Variants in ATXN8OS observed in about 807,000 individuals in gnomAD.
ATXN8OS encodes the protein ATXN8 opposite strand (non-protein coding).
At chr13:70,139,166 A>G in intron 3 of ATXN8OS, 1 of 411,510 alleles carries the variant, frequency 2.4e-6, no homozygotes, top group Non-Finnish European at 4.3e-6. Flanking sequence ...CTGTCATTCT[A>G]GTTTTTACTT....
At chr13:70,116,521 G>C (rs1302944234) in intron 2 of ATXN8OS, among the ~76,000 whole-genome samples, 1 of 152,158 alleles carries the variant, frequency 6.6e-6, no homozygotes, top group Non-Finnish European at 1.5e-5. Context: ...CTAGAAGCGA[G>C]TGAGCAGAAA....
intron 3 of ATXN8OS, among the ~76,000 whole-genome samples, chr13:70,132,760 T>C (rs539131615): frequency 3.9e-5 from 6 of 152,328 alleles, no homozygotes; most frequent in African/African-American, 1.2e-4. Flanking sequence ...AGATAACATG[T>C]TAAATAATTC....
At chr13:70,159,349 A>G (rs1277448739) in intron 4 of ATXN8OS, among the ~76,000 whole-genome samples, 1 of 151,942 alleles carries the variant, frequency 6.6e-6, no homozygotes, top group Non-Finnish European at 1.5e-5. Context: ...AGTTTTATAT[A>G]TTTATTTCCA....
At chr13:70,140,694 A>G (rs540906372) in intron 3 of ATXN8OS, among the ~76,000 whole-genome samples, 12 of 152,224 alleles carry the variant, frequency 7.9e-5, no homozygotes, top group Non-Finnish European at 1.8e-4. Context: ...TCTTCTGCAG[A>G]TGAACTTTCT....
upstream of ATXN8OS, chr13:70,107,593 C>T (rs781511350): frequency 1.2e-5 from 19 of 1,598,174 alleles, no homozygotes; most frequent in Non-Finnish European, 1.6e-5. Context: ...TTGCAGGCAG[C>T]CTCCCCCCGC....
At chr13:70,123,025 A>G (rs2137476968) in intron 2 of ATXN8OS, among the ~76,000 whole-genome samples, 1 of 152,122 alleles carries the variant, frequency 6.6e-6, no homozygotes, top group Admixed American at 6.6e-5. Context: ...AATTAAATAT[A>G]TATTTTATCA....
At chr13:70,160,313 T>G (rs536696963) in intron 4 of ATXN8OS, among the ~76,000 whole-genome samples, 145 of 152,236 alleles carry the variant, frequency 9.5e-4, no homozygotes, top group African/African-American at 3.3e-3. Context: ...TTATAAATTT[T>G]GGTTTATCAT....
At chr13:70,166,716 A>G (rs1054320317) in intron 4 of ATXN8OS, among the ~76,000 whole-genome samples, 6 of 152,132 alleles carry the variant, frequency 3.9e-5, no homozygotes, top group Non-Finnish European at 7.4e-5. Context: ...AGAAACTACC[A>G]TCAGAGTGAA....
intron 2 of ATXN8OS, among the ~76,000 whole-genome samples, chr13:70,118,953 C>G (rs933564523): frequency 1.3e-5 from 2 of 151,604 alleles, no homozygotes; most frequent in East Asian, 3.9e-4. Flanking sequence ...CTATAGATTT[C>G]TGGCACTCAA....
intron 2 of ATXN8OS, among the ~76,000 whole-genome samples, chr13:70,122,339 A>AAAGTTTTC (rs1314360750): frequency 1.3e-5 from 2 of 151,996 alleles, no homozygotes; most frequent in Non-Finnish European, 2.9e-5. Flanking sequence ...TCCTAAATGC[A>AAAGTTTTC]AAGTTTTCTA....
At chr13:70,144,069 G>C (rs2137494420) in intron 3 of ATXN8OS, among the ~76,000 whole-genome samples, 1 of 152,176 alleles carries the variant, frequency 6.6e-6, no homozygotes, top group Non-Finnish European at 1.5e-5. Flanking sequence ...TGGGACTACT[G>C]TGGTGAAGCA....
At chr13:70,123,848 A>T (rs1043562645) in intron 2 of ATXN8OS, among the ~76,000 whole-genome samples, 1 of 152,156 alleles carries the variant, frequency 6.6e-6, no homozygotes, top group Admixed American at 6.6e-5. Flanking sequence ...AGATCAGAAT[A>T]TATAAAGAAT....
chr13:70,140,698 ACTTT>A (rs1046152925), intron 3 of ATXN8OS, among the ~76,000 whole-genome samples: 3 of 152,186 alleles, frequency 2.0e-5, no homozygotes, highest in Admixed American at 6.6e-5. Context: ...CTGCAGATGA[ACTTT>A]CTTTGTTTTT....
At chr13:70,157,211 T>TA (rs1468362335) in intron 4 of ATXN8OS, among the ~76,000 whole-genome samples, 2 of 152,052 alleles carry the variant, frequency 1.3e-5, no homozygotes, top group Non-Finnish European at 2.9e-5. Flanking sequence ...TGAATGAGGA[T>TA]AAAAAACAAA....
chr13:70,124,934 GTT>G (rs4053601), intron 2 of ATXN8OS, among the ~76,000 whole-genome samples: 32,289 of 141,336 alleles, frequency 0.23, 3,661 homozygotes, highest in Admixed American at 0.29. Context: ...TAATTTGAGG[GTT>G]TTTTTTTTTT....
chr13:70,121,990 T>A, intron 2 of ATXN8OS, among the ~76,000 whole-genome samples: 1 of 152,224 alleles, frequency 6.6e-6, no homozygotes, highest in South Asian at 2.1e-4. Flanking sequence ...TCTAAAGATT[T>A]AAAAATTATA....
At chr13:70,162,129 G>T (rs952561939) in intron 4 of ATXN8OS, among the ~76,000 whole-genome samples, 26 of 152,022 alleles carry the variant, frequency 1.7e-4, no homozygotes, top group African/African-American at 6.3e-4. Context: ...TTAAAATTGT[G>T]TTTATTTATG....
At position 70,140,536 on chromosome 13, in the gene ATXN8OS, A is replaced by C. The variant is rs1425903686; in HGVS notation, n.500-6819A>C. Reference sequence around the variant, plus strand: ...CTTACCATAACACACACACACACAAAAAAAAAAAAACGGAGAAGAAATGTT... The same window carrying C: ...CTTACCATAACACACACACACACAACAAAAAAAAAACGGAGAAGAAATGTT... On this transcript the variant is annotated intron_variant and non_coding_transcript_variant, in intron 3 of 4. Coordinates refer to ENST00000678624, the Ensembl canonical transcript of ATXN8OS. 4.6e-3 allele frequency among the ~76,000 whole-genome samples: 699 copies of C among 151,732 alleles called. 2 individuals carry two copies. The highest frequency in any genetic ancestry group is 0.015 in the African/African-American group (612 of 41,424).
At chr13:70,124,485 G>A (rs541745544) in intron 2 of ATXN8OS, among the ~76,000 whole-genome samples, 1 of 152,214 alleles carries the variant, frequency 6.6e-6, no homozygotes, top group Admixed American at 6.6e-5. Context: ...AAATAGGTAG[G>A]AGGGTGGACG....
Sources: allele counts gnomAD v4.1 joint callset (sites outside exome capture counted in the v4.1 genomes callset), GRCh38; gene constraint gnomAD v4.1.1; transcripts MANE v1.5; gene names NCBI Gene and HGNC (gene_info 2026-07-23, HGNC 2026-07-21).